The following USH2A variants were observed in gnomAD, a reference collection of about 807,000 sequenced individuals.
USH2A encodes the protein Usher syndrome 2A (autosomal recessive, mild).
A neutral mutation model predicts 538.9 loss-of-function variants in USH2A; 443 were observed. That is an observed-to-expected ratio of 0.82 (90% CI 0.76 to 0.89). The LOEUF (loss-of-function observed/expected upper bound fraction) is 0.89. Among genes scored for constraint, USH2A ranks in the 40% least tolerant of loss-of-function variants. The pLI, the probability that USH2A is intolerant of heterozygous loss-of-function variation, is 0.00. For synonymous variants in USH2A, 2,413 were observed against 2,273.5 expected (o/e 1.06, Z -1.75); for missense variants, 6,633 against 6,324.8 (o/e 1.05, Z -1.65).
At chr1:216,319,444 C>T (rs901342969) in intron 9 of USH2A, among the ~76,000 whole-genome samples, 3 of 151,978 alleles carry the variant, frequency 2.0e-5, no homozygotes, top group African/African-American at 7.2e-5. Flanking sequence ...AAGATTTTTC[C>T]TCATAATATA....
At chr1:215,656,776 T>C (rs1042800915) in intron 64 of USH2A, among the ~76,000 whole-genome samples, 1 of 152,206 alleles carries the variant, frequency 6.6e-6, no homozygotes, top group African/African-American at 2.4e-5. Flanking sequence ...AAAAAAAGCA[T>C]TTCAACAATT....
intron 43 of USH2A, among the ~76,000 whole-genome samples, chr1:215,872,131 C>A (rs993669274): frequency 2.6e-5 from 4 of 152,196 alleles, no homozygotes; most frequent in African/African-American, 9.6e-5. Flanking sequence ...AAGTATTTTT[C>A]AGTACACCAT....
chr1:215,738,740 A>G (rs1260709128), intron 60 of USH2A, among the ~76,000 whole-genome samples: 1 of 152,188 alleles, frequency 6.6e-6, no homozygotes, highest in Non-Finnish European at 1.5e-5. Flanking sequence ...TAATAAAAAT[A>G]TCTGCATAGG....
chr1:215,863,502 G>T lies in USH2A; in HGVS notation c.8845+3505C>A, dbSNP rs143063596. Among the ~76,000 whole-genome samples, 1,453 of 152,266 alleles carry T rather than the reference G, an allele frequency of 9.5e-3. 17 individuals carry two copies. The highest frequency in any genetic ancestry group is 0.017 in the Middle Eastern group (5 of 294). ...TGGTAGTTTCTGATTAAGAGATCAG[G>T]ATGAGACAAATGCTTTTTCTGTGGT... is the stretch of plus-strand genomic sequence containing the variant. On this transcript the variant is annotated intron_variant, in intron 44 of 71. Coordinates refer to ENST00000307340, the MANE Select transcript of USH2A (RefSeq NM_206933.4).
intron 64 of USH2A, among the ~76,000 whole-genome samples, chr1:215,654,700 G>T (rs1047281308): frequency 6.6e-6 from 1 of 152,034 alleles, no homozygotes; most frequent in Non-Finnish European, 1.5e-5. Context: ...AACTAAAATT[G>T]TTTAGCCACA....
Position 215,970,764 on chromosome 1 carries a change from C to T in USH2A, c.6818G>A (p.Ser2273Asn), listed in dbSNP as rs913836062. 3.1e-6 allele frequency: 5 copies of T among 1,613,410 alleles called. No homozygotes were observed. Among genetic ancestry groups the T allele is most frequent in the Admixed American group, 3.3e-5 (2 of 59,956 alleles). Residue 2273 changes from serine to asparagine, a missense_variant, in exon 36 of 72, where the codon AGT becomes AAT. Transcript: ENST00000307340. ...EPEYPNGVITSYGLYLDGILI... is the reference protein window; with the variant it reads ...EPEYPNGVITNYGLYLDGILI... ...TATACCATCTAGATATAATCCATAA[C>T]TCGTGATAACACCTGGGAAGATAAT...
chr1:216,059,097 T>C (rs1359892159), intron 30 of USH2A, among the ~76,000 whole-genome samples: 1 of 152,146 alleles, frequency 6.6e-6, no homozygotes, highest in Admixed American at 6.5e-5. Flanking sequence ...CAGGTAAGTA[T>C]GGTTACATAT....
rs528334112 is a variant in USH2A at position 216,106,731 on chromosome 1, T to G, written c.4628-9518A>C. 6.6e-5 allele frequency among the ~76,000 whole-genome samples: 10 copies of G among 151,974 alleles called. No individual in the cohort carries two copies. The East Asian group carries it at 1.9e-3, about 29-fold the overall frequency. ...TCTTAATTTGTTCTTTTTTGCCTGT[T>G]TTAAGAAGAAGCTTAGGAAAGCTTG... On this transcript the variant is annotated intron_variant, in intron 21 of 71. Transcript: ENST00000307340.
chr1:215,805,078 G>T (rs917749650), intron 49 of USH2A, among the ~76,000 whole-genome samples: 3 of 151,536 alleles, frequency 2.0e-5, no homozygotes, highest in Non-Finnish European at 4.4e-5. Context: ...GGTGGGAATT[G>T]AACAATGAGA....
chr1:215,814,198 ATT>A (rs2102793647), intron 48 of USH2A, among the ~76,000 whole-genome samples: 1 of 145,604 alleles, frequency 6.9e-6, no homozygotes, highest in African/African-American at 2.5e-5. Flanking sequence ...CTTTTATTTT[ATT>A]ATATAAAATT....
At chr1:215,627,430 TTCCTTCCTTCCTTCCTTCCTTCCTTCC>T in intron 71 of USH2A, among the ~76,000 whole-genome samples, 1 of 120,240 alleles carries the variant, frequency 8.3e-6, no homozygotes, top group African/African-American at 3.3e-5. Flanking sequence ...CCTTCCTTCC[TTCCTTCCTTCCTTCCTTCCTTCCTTCC>T]TTCCTTCCTT....
chr1:216,005,074 G>A (rs192520473), intron 32 of USH2A, among the ~76,000 whole-genome samples: 1 of 152,158 alleles, frequency 6.6e-6, no homozygotes, highest in African/African-American at 2.4e-5. Context: ...TCTAATAATG[G>A]TCAATGAGAT....
chr1:215,979,305 G>T (rs1232298528), intron 35 of USH2A, among the ~76,000 whole-genome samples: 4 of 152,112 alleles, frequency 2.6e-5, no homozygotes, highest in African/African-American at 9.7e-5. Context: ...GTGAGATTTG[G>T]GTGGGGACAC....
At chr1:215,853,968 G>T (rs1330100338) in intron 44 of USH2A, among the ~76,000 whole-genome samples, 1 of 152,166 alleles carries the variant, frequency 6.6e-6, no homozygotes, top group Non-Finnish European at 1.5e-5. Context: ...ACCTCTGCCT[G>T]TTACCCAATT....
chr1:215,926,231 AAAT>A (rs1452280889), intron 38 of USH2A, among the ~76,000 whole-genome samples: 69 of 142,224 alleles, frequency 4.9e-4, no homozygotes, highest in Non-Finnish European at 9.9e-4. Context: ...AAAAAAAAAA[AAAT>A]ACCATTCTCC....
At chr1:215,781,879 A>C (rs1661652378) in intron 54 of USH2A, among the ~76,000 whole-genome samples, 163 bp downstream of exon 54, 1 of 152,202 alleles carries the variant, frequency 6.6e-6, no homozygotes, top group South Asian at 2.1e-4. Context: ...CCTTCCAGCC[A>C]TAGGTATTAG....
rs1301214959 is a variant in USH2A, at chr1:215,779,718, T to C, written c.10939+125A>G. The C allele has an allele frequency of 9.5e-6, 11 of 1,156,104 alleles. No homozygotes were observed. In the East Asian group the frequency reaches 2.3e-4, roughly 24 times the overall value. The allele number at this position is 1,156,104 out of a possible 1,614,324, so 71.6% of individuals were successfully genotyped here. ...CATGGATAAGTGGGACCTGACCATA[T>C]GTCAAGAGAACACGTCCTTTCGAAG... On this transcript the variant is annotated intron_variant, in intron 55 of 71. Coordinates refer to ENST00000307340, the MANE Select transcript of USH2A (RefSeq NM_206933.4).
rs1396097252 is a variant in USH2A at position 215,623,828 on chromosome 1, A to C, written c.*1953T>G. The C allele has an allele frequency of 6.6e-6, 1 of 152,130 alleles. No individual in the cohort carries two copies. Among genetic ancestry groups the C allele is most frequent in the Non-Finnish European group, 1.5e-5 (1 of 68,042 alleles). The allele number at this position is 152,130 out of a possible 1,614,324, so 9.4% of individuals were successfully genotyped here. A position where few individuals can be genotyped will look rare whatever the true frequency, so the allele number is the denominator to read the frequency against. On this transcript the variant is annotated 3_prime_UTR_variant, in exon 72 of 72. Coordinates refer to ENST00000307340, the MANE Select transcript of USH2A (RefSeq NM_206933.4). ...AAAGATACCTGGTTAATTTTTCAAA[A>C]ATCAGGATAAACTCAATCTTCTGAA...
chr1:216,339,695 C>A (rs1241058018), intron 4 of USH2A, among the ~76,000 whole-genome samples: 2 of 151,920 alleles, frequency 1.3e-5, no homozygotes, highest in Non-Finnish European at 2.9e-5. Context: ...CAAAACCACA[C>A]AACTACATGG....
Sources: gnomAD v4.1 joint callset for allele counts (sites outside exome capture counted in the v4.1 genomes callset) on GRCh38, gnomAD v4.1.1 for gene constraint, MANE v1.5 for transcripts, NCBI Gene and HGNC (gene_info 2026-07-23, HGNC 2026-07-21) for gene names.